Variants in RABGAP1L observed in about 807,000 individuals in gnomAD.
The protein encoded by RABGAP1L is rab GTPase-activating protein 1-like.
A neutral mutation model predicts 137.7 loss-of-function variants in RABGAP1L; 63 were observed. That is an observed-to-expected ratio of 0.46 (90% CI 0.37 to 0.56). The LOEUF (loss-of-function observed/expected upper bound fraction) is 0.56, where lower values mean the gene tolerates loss of function less well. Ranked by LOEUF, RABGAP1L falls within the 20% of genes least tolerant of loss-of-function variation. The probability of loss-of-function intolerance (pLI) is 0.00; values close to 1 mark genes in which losing one functional copy is unlikely to be tolerated. For synonymous variants in RABGAP1L, 431 were observed against 433.7 expected (o/e 0.99, Z 0.08); for missense variants, 1,095 against 1,244.0 (o/e 0.88, Z 1.80).
intron 15 of RABGAP1L, among the ~76,000 whole-genome samples, chr1:174,690,830 T>TC (rs1678820227): frequency 2.1e-5 from 1 of 48,248 alleles, no homozygotes. Flanking sequence ...AGCATTCATC[T>TC]TTTTTTTTTT....
rs929287726 is a variant in RABGAP1L at position 174,159,647 on chromosome 1, G to C, written c.-44G>C. ...TTGTTGTCTCGGCAGCGCCCGCGGA[G>C]ACGTGAAGAGGTGAGGCGAGGACGG... On this transcript the variant is annotated 5_prime_UTR_variant, in exon 1 of 26. Coordinates refer to ENST00000681986, the MANE Select transcript of RABGAP1L (RefSeq NM_001366446.1). 2 of 152,342 alleles carry C rather than the reference G, an allele frequency of 1.3e-5. No homozygotes were observed. The highest frequency in any genetic ancestry group is 2.4e-5 in the African/African-American group (1 of 41,462). 9.4% of individuals were successfully genotyped at this position (152,342 alleles called of 1,614,324 possible).
At chr1:174,937,188 A>C (rs1664970894) in intron 19 of RABGAP1L, among the ~76,000 whole-genome samples, 1 of 152,014 alleles carries the variant, frequency 6.6e-6, no homozygotes, top group African/African-American at 2.4e-5. Flanking sequence ...CGTGTTGGCC[A>C]GGCTGGCCTC....
intron 17 of RABGAP1L, among the ~76,000 whole-genome samples, chr1:174,722,465 T>C (rs939509709): frequency 6.6e-6 from 1 of 152,162 alleles, no homozygotes; most frequent in Non-Finnish European, 1.5e-5. Flanking sequence ...CTTTTTTTTT[T>C]TGAGACGGAG....
intron 13 of RABGAP1L, among the ~76,000 whole-genome samples, chr1:174,458,878 T>A (rs1303023748): frequency 6.6e-6 from 1 of 152,094 alleles, no homozygotes; most frequent in East Asian, 1.9e-4. Flanking sequence ...GCATGCCTCT[T>A]TTGTAGTACT....
intron 13 of RABGAP1L, among the ~76,000 whole-genome samples, chr1:174,519,723 T>C (rs1451716938): frequency 1.3e-5 from 2 of 152,244 alleles, no homozygotes; most frequent in African/African-American, 2.4e-5. Context: ...GGTACATCTA[T>C]TGAGTCTCTT....
chr1:174,161,443 T>G (rs745965721), intron 1 of RABGAP1L, among the ~76,000 whole-genome samples: 1 of 152,110 alleles, frequency 6.6e-6, no homozygotes, highest in Non-Finnish European at 1.5e-5. Flanking sequence ...GGTTTCTCCA[T>G]GTTGGTCAGG....
chr1:174,651,106 C>G (rs992488539), intron 14 of RABGAP1L, among the ~76,000 whole-genome samples: 4 of 152,088 alleles, frequency 2.6e-5, no homozygotes, highest in African/African-American at 9.7e-5. Context: ...AGCAGTCATT[C>G]AGGAGCAGGT....
chr1:174,611,208 T>A (rs12561845), intron 13 of RABGAP1L, among the ~76,000 whole-genome samples: 74,976 of 135,266 alleles, frequency 0.55, 23,149 homozygotes, highest in African/African-American at 0.84. Flanking sequence ...TTAAGTCTTT[T>A]ATCCATCTTG....
At chr1:174,720,249 GTAGATAGATAGATAGA>G (rs370669512) in intron 17 of RABGAP1L, among the ~76,000 whole-genome samples, 10 of 143,728 alleles carry the variant, frequency 7.0e-5, no homozygotes, top group Non-Finnish European at 1.1e-4. Flanking sequence ...CTAGCTAGAT[GTAGATAGATAGATAGA>G]TAGATAGATA....
intron 19 of RABGAP1L, among the ~76,000 whole-genome samples, chr1:174,888,841 C>A: frequency 6.6e-6 from 1 of 152,042 alleles, no homozygotes; most frequent in East Asian, 1.9e-4. Context: ...CAGCATTGTG[C>A]CTGGGGGAAT....
At chr1:174,507,083 T>C (rs566477563) in intron 13 of RABGAP1L, among the ~76,000 whole-genome samples, 2 of 152,298 alleles carry the variant, frequency 1.3e-5, no homozygotes, top group Admixed American at 1.3e-4. Flanking sequence ...TTTTTACTTG[T>C]CAATTTAAAA....
chr1:174,704,108 C>T (rs1679875637), intron 17 of RABGAP1L, among the ~76,000 whole-genome samples: 1 of 152,214 alleles, frequency 6.6e-6, no homozygotes, highest in Non-Finnish European at 1.5e-5. Flanking sequence ...AGCAATTCTC[C>T]TGCCTCGGCC....
At chr1:174,959,690 C>T (rs1668912014) in intron 20 of RABGAP1L, among the ~76,000 whole-genome samples, 1 of 152,108 alleles carries the variant, frequency 6.6e-6, no homozygotes, top group Non-Finnish European at 1.5e-5. Flanking sequence ...GATAACTTGT[C>T]AGTACATTCA....
intron 11 of RABGAP1L, among the ~76,000 whole-genome samples, chr1:174,331,888 C>T (rs919046771): frequency 2.0e-5 from 3 of 148,622 alleles, no homozygotes; most frequent in South Asian, 2.1e-4. Context: ...CATGTGTTCT[C>T]ATTGTTCAGT....
chr1:174,930,497 TG>T (rs1663613455), intron 19 of RABGAP1L, among the ~76,000 whole-genome samples: 1 of 152,072 alleles, frequency 6.6e-6, no homozygotes, highest in Admixed American at 6.6e-5. Flanking sequence ...TTTTATTTTT[TG>T]TAGAGATAGG....
At chr1:174,933,819 C>T (rs936962601) in intron 19 of RABGAP1L, among the ~76,000 whole-genome samples, 1 of 152,050 alleles carries the variant, frequency 6.6e-6, no homozygotes, top group Non-Finnish European at 1.5e-5. Context: ...GGTCTTGGTA[C>T]AATTTTTTAG....
At chr1:174,732,542 A>C (rs112687504) in intron 17 of RABGAP1L, among the ~76,000 whole-genome samples, 5 of 152,364 alleles carry the variant, frequency 3.3e-5, no homozygotes, top group African/African-American at 1.2e-4. Context: ...AGAACACATC[A>C]AAGGAATTAA....
intron 15 of RABGAP1L, among the ~76,000 whole-genome samples, chr1:174,697,955 C>T (rs2148513874): frequency 6.6e-6 from 1 of 152,260 alleles, no homozygotes; most frequent in East Asian, 1.9e-4. Context: ...TATTTAACTT[C>T]AGGAGATGTT....
At chr1:174,804,602 C>T (rs372372325) in intron 18 of RABGAP1L, among the ~76,000 whole-genome samples, 7 of 152,196 alleles carry the variant, frequency 4.6e-5, no homozygotes, top group African/African-American at 7.2e-5. Flanking sequence ...TGTGAACCAC[C>T]GTGCCCGGCC....
Sources: gnomAD v4.1 joint callset for allele counts (sites outside exome capture counted in the v4.1 genomes callset) on GRCh38, gnomAD v4.1.1 for gene constraint, MANE v1.5 for transcripts, NCBI Gene and HGNC (gene_info 2026-07-23, HGNC 2026-07-21) for gene names.